CNTN5: variants seen among roughly 807,000 people sequenced by gnomAD.
CNTN5 encodes the protein contactin 5.
Under a neutral mutation model 129.1 loss-of-function variants are expected in CNTN5, and 77 were observed. That is an observed-to-expected ratio of 0.60 (90% CI 0.50 to 0.72). The LOEUF is 0.72. CNTN5 is among the 30% of genes least tolerant of loss of function. The pLI is 0.00. For missense variants in CNTN5, 1,478 were observed against 1,328.8 expected, an observed-to-expected ratio of 1.11 and a Z score of -1.75; for synonymous variants, 509 against 465.6, an observed-to-expected ratio of 1.09 and a Z score of -1.20.
At chr11:99,038,274 T>TG (rs1466969235) in intron 1 of CNTN5, among the ~76,000 whole-genome samples, 1 of 152,098 alleles carries the variant, frequency 6.6e-6, no homozygotes, top group Non-Finnish European at 1.5e-5. Flanking sequence ...ATGATAAAAG[T>TG]TTTTTTACTT....
chr11:99,703,225 G>A (rs1954601139), intron 3 of CNTN5, among the ~76,000 whole-genome samples: 1 of 131,624 alleles, frequency 7.6e-6, no homozygotes, highest in Non-Finnish European at 1.6e-5. Flanking sequence ...AAGGTATTTG[G>A]GGTTTTTTTT....
At chr11:100,265,293 G>A (rs1252731739) in intron 17 of CNTN5, among the ~76,000 whole-genome samples, 1 of 152,122 alleles carries the variant, frequency 6.6e-6, no homozygotes, top group Non-Finnish European at 1.5e-5. Flanking sequence ...GCTATTGGCA[G>A]AGGCATGCTG....
chr11:100,165,171 T>C (rs1266669336), intron 13 of CNTN5, among the ~76,000 whole-genome samples: 1 of 151,748 alleles, frequency 6.6e-6, no homozygotes, highest in Non-Finnish European at 1.5e-5. Flanking sequence ...TATGAAAGAA[T>C]AGGAGACTCA....
chr11:99,392,427 T>C (rs1203485246), intron 2 of CNTN5, among the ~76,000 whole-genome samples: 1 of 151,714 alleles, frequency 6.6e-6, no homozygotes, highest in Admixed American at 6.6e-5. Flanking sequence ...AAATACAAAA[T>C]ATTACAAGAT....
chr11:99,143,172 A>T (rs976874466), intron 1 of CNTN5, among the ~76,000 whole-genome samples: 1 of 152,056 alleles, frequency 6.6e-6, no homozygotes, highest in East Asian at 1.9e-4. Flanking sequence ...AATCTTTAAC[A>T]AGCAAACAAA....
At chr11:100,058,774 T>C (rs570538983) in intron 9 of CNTN5, among the ~76,000 whole-genome samples, 1 of 152,268 alleles carries the variant, frequency 6.6e-6, no homozygotes, top group South Asian at 2.1e-4. Context: ...GAAAACATCT[T>C]ACACTTAACG....
chr11:99,956,864 G>A lies in CNTN5; in HGVS notation c.732G>A (p.Arg244=). The A allele has an allele frequency of 6.2e-7, 1 of 1,613,890 alleles. No individual in the cohort carries two copies. Among genetic ancestry groups the A allele is most frequent in the Non-Finnish European group, 8.5e-7 (1 of 1,179,848 alleles). The stretch of plus-strand genomic sequence containing the variant: ...CTTCCTTTGTGGCGGAAGACAGCCG[G>A]CGGTTCATCTCCCAGGAGACAGGCA... ...EFPSFVAEDS[R]RFISQETGNL... is the part of the protein sequence containing the mutation. The change falls in exon 8 of 25, where the codon CGG becomes CGA. Residue 244 remains arginine, a synonymous_variant. Coordinates refer to ENST00000524871, the MANE Select transcript of CNTN5 (RefSeq NM_014361.4).
At chr11:99,651,243 A>C (rs984950571) in intron 3 of CNTN5, among the ~76,000 whole-genome samples, 4 of 152,092 alleles carry the variant, frequency 2.6e-5, no homozygotes, top group Non-Finnish European at 4.4e-5. Context: ...ACAATCATCA[A>C]AAATTTAGTA....
chr11:99,445,609 C>T (rs1340865196), intron 2 of CNTN5, among the ~76,000 whole-genome samples: 1 of 152,128 alleles, frequency 6.6e-6, no homozygotes, highest in Non-Finnish European at 1.5e-5. Flanking sequence ...ATTGGATTTA[C>T]TCTCTTTTTA....
chr11:99,934,931 TATATATATATATATATACAC>T (rs1354315721), intron 7 of CNTN5, among the ~76,000 whole-genome samples: 4 of 61,854 alleles, frequency 6.5e-5, no homozygotes, highest in African/African-American at 2.4e-4. Flanking sequence ...TATATATATA[TATATATATATATATATACAC>T]ACACATATAT....
chr11:99,614,684 A>G (rs548047804), intron 3 of CNTN5, among the ~76,000 whole-genome samples: 1 of 152,206 alleles, frequency 6.6e-6, no homozygotes, highest in Non-Finnish European at 1.5e-5. Context: ...TCCTCGATCC[A>G]GGTGCTTAAA....
At chr11:99,580,408 C>A (rs563435700) in intron 3 of CNTN5, among the ~76,000 whole-genome samples, 2 of 152,158 alleles carry the variant, frequency 1.3e-5, no homozygotes, top group East Asian at 3.9e-4. Context: ...AGGAATGGTA[C>A]CAGCTCTTCC....
chr11:99,792,057 T>C (rs1945763185), intron 3 of CNTN5, among the ~76,000 whole-genome samples: 1 of 152,150 alleles, frequency 6.6e-6, no homozygotes, highest in Admixed American at 6.5e-5. Context: ...TAGCTAGTTT[T>C]GACAACTTTT....
intron 6 of CNTN5, among the ~76,000 whole-genome samples, chr11:99,887,962 A>T (rs1948942607): frequency 6.6e-6 from 1 of 152,146 alleles, no homozygotes. Context: ...CAGGAACAAT[A>T]CTTTGCATCC....
Position 100,350,771 on chromosome 11 carries a change from C to T in CNTN5, c.3100C>T (p.Pro1034Ser), listed in dbSNP as rs1001786106. The T allele has an allele frequency of 1.2e-6, 2 of 1,608,870 alleles. No homozygotes were observed. Among genetic ancestry groups the T allele is most frequent in the Non-Finnish European group, 1.7e-6 (2 of 1,176,710 alleles). The change falls in exon 24 of 25, where the codon CCA becomes TCA. Residue 1034 changes from proline (P) to serine (S), a missense_variant. Physicochemically the swap from Pro to Ser is moderately conservative, Grantham distance 74 (BLOSUM62 -1). Coordinates refer to ENST00000524871, the MANE Select transcript of CNTN5 (RefSeq NM_014361.4). ...AACACAGAAACTTCAAGCAGTAGTA[C>T]CACTCCCAGATGCTGGAGTCTATAT... ...IETQKLQAVV[P>S]LPDAGVYIIE...
chr11:99,793,167 C>G (rs1044533253), intron 3 of CNTN5, among the ~76,000 whole-genome samples: 1 of 152,010 alleles, frequency 6.6e-6, no homozygotes, highest in Non-Finnish European at 1.5e-5. Context: ...TCACGCCATT[C>G]TCCTGCCTCA....
chr11:99,824,303 A>G (rs1315729592), intron 4 of CNTN5, among the ~76,000 whole-genome samples: 3 of 151,882 alleles, frequency 2.0e-5, no homozygotes, highest in Non-Finnish European at 4.4e-5. Flanking sequence ...TTTTTTGGCA[A>G]TCTCTTGAGT....
intron 13 of CNTN5, among the ~76,000 whole-genome samples, chr11:100,105,696 G>T (rs1195383822): frequency 6.6e-6 from 1 of 151,960 alleles, no homozygotes; most frequent in Non-Finnish European, 1.5e-5. Context: ...CCTCTCCTTT[G>T]TACTCTCCAA....
chr11:100,302,863 A>C (rs1271036218), intron 20 of CNTN5, among the ~76,000 whole-genome samples: 1 of 151,798 alleles, frequency 6.6e-6, no homozygotes, highest in South Asian at 2.1e-4. Flanking sequence ...TAATTATTTT[A>C]GAGAAAACCT....
Sources: gnomAD v4.1 joint callset for allele counts (sites outside exome capture counted in the v4.1 genomes callset) on GRCh38, gnomAD v4.1.1 for gene constraint, MANE v1.5 for transcripts, NCBI Gene and HGNC (gene_info 2026-07-23, HGNC 2026-07-21) for gene names.